The following PRUNE2 variants were observed in gnomAD, a reference collection of about 807,000 sequenced individuals.
PRUNE2 encodes the protein prune homolog 2 with BCH domain.
A neutral mutation model predicts 252.0 loss-of-function variants in PRUNE2; 164 were observed. That is an observed-to-expected ratio of 0.65 (90% CI 0.57 to 0.74). The LOEUF (loss-of-function observed/expected upper bound fraction) is 0.74, where lower values mean the gene tolerates loss of function less well. PRUNE2 is among the 30% of genes least tolerant of loss of function. The probability of loss-of-function intolerance (pLI) is 0.00; values close to 1 mark genes in which losing one functional copy is unlikely to be tolerated. For synonymous variants in PRUNE2, 1,292 were observed against 1,350.2 expected (o/e 0.96, Z 0.94); for missense variants, 3,495 against 3,711.0 (o/e 0.94, Z 1.51).
intron 6 of PRUNE2, among the ~76,000 whole-genome samples, chr9:76,771,369 G>T (rs973676489): frequency 2.0e-5 from 3 of 152,158 alleles, no homozygotes; most frequent in South Asian, 2.1e-4. Flanking sequence ...CTCAAAAGCT[G>T]TCAAATATGA....
At chr9:76,743,167 T>C (rs1045355427) in intron 6 of PRUNE2, among the ~76,000 whole-genome samples, 8 of 152,228 alleles carry the variant, frequency 5.3e-5, no homozygotes. Context: ...TCTTGAGGAC[T>C]TCCCAGCCAT....
intron 9 of PRUNE2, among the ~76,000 whole-genome samples, chr9:76,694,241 G>A (rs975188226): frequency 2.6e-5 from 4 of 151,994 alleles, no homozygotes; most frequent in African/African-American, 9.7e-5. Context: ...GGAGTGCAGT[G>A]GTGAGATCTC....
chr9:76,889,834 C>G (rs150472126), intron 1 of PRUNE2, among the ~76,000 whole-genome samples: 49 of 152,276 alleles, frequency 3.2e-4, no homozygotes, highest in African/African-American at 1.0e-3. Context: ...CATCAATGCT[C>G]TGGACACTCA....
chr9:76,824,509 C>T (rs2058228943), intron 5 of PRUNE2, among the ~76,000 whole-genome samples: 1 of 152,102 alleles, frequency 6.6e-6, no homozygotes, highest in African/African-American at 2.4e-5. Flanking sequence ...TATTAAATTC[C>T]CTAATTAATG....
chr9:76,615,635 A>T (rs887927086), intron 18 of PRUNE2, among the ~76,000 whole-genome samples: 1 of 152,106 alleles, frequency 6.6e-6, no homozygotes, highest in Admixed American at 6.6e-5. Context: ...GAACGGTCAT[A>T]CCGCTTTCAC....
At chr9:76,855,553 G>A (rs1005367770) in intron 1 of PRUNE2, among the ~76,000 whole-genome samples, 2 of 152,162 alleles carry the variant, frequency 1.3e-5, no homozygotes, top group South Asian at 4.1e-4. Context: ...TGGTATCAGA[G>A]TCAAACGCAA....
chr9:76,616,789 A>G (rs1029377434), intron 18 of PRUNE2, among the ~76,000 whole-genome samples: 3 of 152,138 alleles, frequency 2.0e-5, no homozygotes, highest in Admixed American at 6.5e-5. Flanking sequence ...TAACAAAGCT[A>G]TTAACAATGA....
chr9:76,789,595 A>G (rs569145426), intron 6 of PRUNE2, among the ~76,000 whole-genome samples: 1 of 152,264 alleles, frequency 6.6e-6, no homozygotes, highest in South Asian at 2.1e-4. Flanking sequence ...AAGGCCCTCC[A>G]TTAGGAGTCG....
chr9:76,864,150 A>G (rs1194226890), intron 1 of PRUNE2, among the ~76,000 whole-genome samples: 1 of 152,220 alleles, frequency 6.6e-6, no homozygotes, highest in Non-Finnish European at 1.5e-5. Flanking sequence ...AGCAAAATGT[A>G]TGGAGCTGGA....
intron 6 of PRUNE2, among the ~76,000 whole-genome samples, chr9:76,794,235 T>C (rs548192724): frequency 6.6e-6 from 1 of 152,222 alleles, no homozygotes; most frequent in East Asian, 1.9e-4. Flanking sequence ...AATATGCTGA[T>C]ATGGCAAATG....
intron 6 of PRUNE2, among the ~76,000 whole-genome samples, chr9:76,721,110 A>C (rs2047612670): frequency 6.6e-6 from 1 of 152,214 alleles, no homozygotes; most frequent in Non-Finnish European, 1.5e-5. Context: ...TAAAAGATGT[A>C]AGGTATAAAA....
chr9:76,662,530 T>C (rs1159431946), intron 9 of PRUNE2, among the ~76,000 whole-genome samples: 1 of 152,196 alleles, frequency 6.6e-6, no homozygotes, highest in Non-Finnish European at 1.5e-5. Context: ...TTGACTGTTG[T>C]TGTAGGATTA....
chr9:76,852,142 G>T (rs2059995223), intron 2 of PRUNE2, among the ~76,000 whole-genome samples: 1 of 152,154 alleles, frequency 6.6e-6, no homozygotes, highest in African/African-American at 2.4e-5. Context: ...GTACATATTT[G>T]TTGAATGAAA....
rs116459263 is a variant in PRUNE2, at chr9:76,658,754, G to A, written c.8277-3252C>T. On this transcript the variant is annotated intron_variant, in intron 9 of 18. Transcript: ENST00000376718. Reference sequence around the variant, plus strand: ...GTCAGGCTGTACTATGGCTGAAACAGCTACATGTCTCCATCTAGAGGATGT... The same window carrying A: ...GTCAGGCTGTACTATGGCTGAAACAACTACATGTCTCCATCTAGAGGATGT... Among the ~76,000 whole-genome samples, 646 of 152,312 alleles carry A rather than the reference G, an allele frequency of 4.2e-3. 8 individuals carry two copies. The highest frequency in any genetic ancestry group is 0.015 in the African/African-American group (609 of 41,562).
chr9:76,895,110 T>G (rs2062740500), intron 1 of PRUNE2, among the ~76,000 whole-genome samples: 1 of 152,268 alleles, frequency 6.6e-6, no homozygotes, highest in African/African-American at 2.4e-5. Flanking sequence ...TCCTGTTTTT[T>G]CAACTGAGGG....
intron 6 of PRUNE2, among the ~76,000 whole-genome samples, chr9:76,792,566 G>C (rs1215390367): frequency 6.6e-6 from 1 of 152,130 alleles, no homozygotes; most frequent in Non-Finnish European, 1.5e-5. Context: ...GGGTCATCAG[G>C]ATGCAACATT....
chr9:76,711,868 G>A lies in PRUNE2; in HGVS notation c.916-510C>T, dbSNP rs1193916048. On this transcript the variant is annotated intron_variant, in intron 7 of 18. Coordinates refer to ENST00000376718, the MANE Select transcript of PRUNE2 (RefSeq NM_015225.3). ...GATGCTCCCGCAGTCTGATCTTTCC[G>A]AACAGCACTCAGGACCCCTCAGTCC... Among the ~76,000 whole-genome samples, 6 of 152,102 alleles carry A rather than the reference G, an allele frequency of 3.9e-5. No homozygotes were observed. In the East Asian group the frequency reaches 5.8e-4, roughly 15 times the overall value.
chr9:76,791,040 C>G (rs1019155964), intron 6 of PRUNE2, among the ~76,000 whole-genome samples: 13 of 152,160 alleles, frequency 8.5e-5, no homozygotes, highest in African/African-American at 2.9e-4. Flanking sequence ...AAACTCGTAA[C>G]AGCAGAGAGC....
intron 6 of PRUNE2, among the ~76,000 whole-genome samples, chr9:76,729,420 AT>A (rs1439197182): frequency 2.0e-5 from 3 of 152,090 alleles, no homozygotes; most frequent in African/African-American, 7.2e-5. Context: ...AAGACATTTC[AT>A]TTTTCTGAGC....
Sources: allele counts gnomAD v4.1 joint callset (sites outside exome capture counted in the v4.1 genomes callset), GRCh38; gene constraint gnomAD v4.1.1; transcripts MANE v1.5; gene names NCBI Gene and HGNC (gene_info 2026-07-23, HGNC 2026-07-21).